The following HBS1L variants were observed in gnomAD, a reference collection of about 807,000 sequenced individuals.
HBS1L encodes HBS1-like protein.
HBS1L carries 55 observed loss-of-function variants against 88.9 expected under a neutral mutation model. That is an observed-to-expected ratio of 0.62 (90% CI 0.50 to 0.77). The LOEUF is 0.77. HBS1L is among the 30% of genes least tolerant of loss of function. The pLI, the probability that HBS1L is intolerant of heterozygous loss-of-function variation, is 0.00. For synonymous variants in HBS1L, 267 were observed against 288.5 expected (o/e 0.93, Z 0.76); for missense variants, 741 against 829.3 (o/e 0.89, Z 1.31).
At chr6:135,053,250 A>G (rs889955013) in intron 1 of HBS1L, among the ~76,000 whole-genome samples, 2 of 152,148 alleles carry the variant, frequency 1.3e-5, no homozygotes, top group Non-Finnish European at 2.9e-5. Context: ...TATCCCTCCC[A>G]TAGCGTTTTC....
intron 4 of HBS1L, among the ~76,000 whole-genome samples, chr6:135,020,216 A>C (rs1352039368): frequency 6.6e-6 from 1 of 151,864 alleles, no homozygotes; most frequent in African/African-American, 2.4e-5. Context: ...ATTAGACTTT[A>C]ACATAATAAT....
intron 7 of HBS1L, 41 bp downstream of exon 7, chr6:134,996,736 T>A: frequency 1.4e-6 from 2 of 1,438,314 alleles, no homozygotes; most frequent in Non-Finnish European, 1.9e-6. Context: ...TTTAGAAGAC[T>A]GTATGATTTC....
intron 4 of HBS1L, 57 bp downstream of exon 4, chr6:135,039,516 C>T (rs1169239875): frequency 1.3e-5 from 18 of 1,363,884 alleles, no homozygotes; most frequent in Middle Eastern, 1.8e-4. Context: ...CAAACGAAAG[C>T]CTCTCTTTAG....
At chr6:135,031,887 G>C (rs556859174) in intron 4 of HBS1L, among the ~76,000 whole-genome samples, 12 of 146,922 alleles carry the variant, frequency 8.2e-5, no homozygotes, top group African/African-American at 2.8e-4. Flanking sequence ...GGCTGAACCT[G>C]AACTCCTGGA....
chr6:135,037,127 A>C lies in HBS1L; in HGVS notation c.430+2446T>G. The C allele has an allele frequency of 3.2e-6, 5 of 1,551,590 alleles. 1 individual carries two copies. In the South Asian group the frequency reaches 4.8e-5, roughly 15 times the overall value. On this transcript the variant is annotated intron_variant, in intron 4 of 17. Coordinates refer to ENST00000367837, the MANE Select transcript of HBS1L (RefSeq NM_006620.4). Reference sequence around the variant, plus strand: ...AAATTCTCAAGGTCTCTTGTGGGAGAAGCTTTATGAAATGCCAATGACGAC... The same window carrying C: ...AAATTCTCAAGGTCTCTTGTGGGAGCAGCTTTATGAAATGCCAATGACGAC...
At chr6:135,014,953 T>C (rs1179613158) in intron 4 of HBS1L, among the ~76,000 whole-genome samples, 1 of 151,862 alleles carries the variant, frequency 6.6e-6, no homozygotes, top group Admixed American at 6.6e-5. Context: ...ATGGATTGCT[T>C]GAGCCCGGGA....
chr6:134,996,152 C>A (rs961367211), intron 7 of HBS1L, among the ~76,000 whole-genome samples: 1 of 152,110 alleles, frequency 6.6e-6, no homozygotes, highest in African/African-American at 2.4e-5. Flanking sequence ...CTCTCCTACC[C>A]TAGCTACCCT....
Position 134,987,023 on chromosome 6 carries a change from T to G in HBS1L, c.1231-213A>C, listed in dbSNP as rs1310278809. 2.6e-5 allele frequency among the ~76,000 whole-genome samples: 4 copies of G among 152,250 alleles called. No individual in the cohort carries two copies. In the East Asian group the frequency reaches 7.7e-4, roughly 29 times the overall value. On this transcript the variant is annotated intron_variant, in intron 9 of 17. Transcript: ENST00000367837. ...AGGCATTTTAATCAGGTTCAGCAAG[T>G]CTTAAAACGTACATTCCCTTACGCC...
intron 8 of HBS1L, among the ~76,000 whole-genome samples, chr6:134,992,899 G>A (rs1236833609): frequency 6.6e-6 from 1 of 152,154 alleles, no homozygotes; most frequent in Non-Finnish European, 1.5e-5. Flanking sequence ...GAATCACCCA[G>A]AGCAACTTCC....
chr6:134,964,356 TCTTA>T lies in HBS1L; in HGVS notation c.*919_*922del, dbSNP rs1331679580. The T allele has an allele frequency of 1.3e-5, 2 of 152,092 alleles. No individual in the cohort carries two copies. Among genetic ancestry groups the T allele is most frequent in the African/African-American group, 2.4e-5 (1 of 41,394 alleles). The allele number at this position is 152,092 out of a possible 1,614,324, so 9.4% of individuals were successfully genotyped here. The stretch of plus-strand genomic sequence containing the variant: ...TTGAAACTTTAAAGAAAAACATGAC[TCTTA>T]CTTACTCACAGGGGACTTATAATCT... On this transcript the variant is annotated 3_prime_UTR_variant, in exon 18 of 18. Transcript: ENST00000367837.
chr6:135,006,089 A>C (rs1775602889), intron 4 of HBS1L, among the ~76,000 whole-genome samples: 1 of 152,220 alleles, frequency 6.6e-6, no homozygotes, highest in Non-Finnish European at 1.5e-5. Flanking sequence ...CCATTCACGA[A>C]AAAGGCACAG....
intron 1 of HBS1L, among the ~76,000 whole-genome samples, chr6:135,050,936 A>G (rs1406718423): frequency 1.3e-5 from 2 of 152,196 alleles, no homozygotes; most frequent in East Asian, 3.8e-4. Context: ...CCTATAAAAA[A>G]TATACTTGAG....
intron 1 of HBS1L, among the ~76,000 whole-genome samples, chr6:135,052,272 C>A (rs1318879439): frequency 6.6e-6 from 1 of 152,080 alleles, no homozygotes; most frequent in Admixed American, 6.5e-5. Flanking sequence ...AAACAAGGGG[C>A]CATTCACAAA....
intron 4 of HBS1L, chr6:135,038,114 A>G: frequency 9.6e-7 from 1 of 1,045,880 alleles, no homozygotes; most frequent in Non-Finnish European, 1.3e-6. Flanking sequence ...ACATGAAATG[A>G]GGCATTTAAT....
intron 15 of HBS1L, among the ~76,000 whole-genome samples, chr6:134,978,302 T>A (rs1316341522): frequency 6.6e-6 from 1 of 151,958 alleles, no homozygotes. Context: ...AATCGACATA[T>A]TAAAAATGGA....
At chr6:135,049,091 T>C (rs1777001252) in intron 2 of HBS1L, among the ~76,000 whole-genome samples, 1 of 152,216 alleles carries the variant, frequency 6.6e-6, no homozygotes, top group African/African-American at 2.4e-5. Flanking sequence ...AAGGAGGATG[T>C]ATTAGTCCAT....
In HBS1L at chr6:135,037,554, T is replaced by C. The variant is rs964216112; in HGVS notation, c.430+2019A>G. 3.9e-6 allele frequency: 6 copies of C among 1,550,348 alleles called. No homozygotes were observed. The African/African-American group carries it at 6.8e-5, about 18-fold the overall frequency. ...TTTGAAAATCAGACAGTGAATTATT[T>C]TGAATATATAAAGAATTATTCGGTG... is the stretch of plus-strand genomic sequence containing the variant. On this transcript the variant is annotated intron_variant, in intron 4 of 17. Coordinates refer to ENST00000367837, the MANE Select transcript of HBS1L (RefSeq NM_006620.4).
intron 7 of HBS1L, among the ~76,000 whole-genome samples, chr6:134,994,548 T>A (rs1226157929): frequency 6.6e-6 from 1 of 152,112 alleles, no homozygotes; most frequent in Non-Finnish European, 1.5e-5. Context: ...AATATTTGCA[T>A]ATACAAAATG....
intron 4 of HBS1L, among the ~76,000 whole-genome samples, chr6:135,034,568 CGAGA>C (rs1260369157): frequency 2.6e-5 from 4 of 152,164 alleles, no homozygotes; most frequent in African/African-American, 9.7e-5. Context: ...CGCTTGAACC[CGAGA>C]GGCGGAGGTT....
Sources: gnomAD v4.1 joint callset for allele counts (sites outside exome capture counted in the v4.1 genomes callset) on GRCh38, gnomAD v4.1.1 for gene constraint, MANE v1.5 for transcripts, NCBI Gene and HGNC (gene_info 2026-07-23, HGNC 2026-07-21) for gene names.